CXADR: variants seen among roughly 807,000 people sequenced by gnomAD.
CXADR encodes CXADR cell adhesion molecule.
A neutral mutation model predicts 40.3 loss-of-function variants in CXADR; 20 were observed. The observed-to-expected ratio is 0.50, with a 90% CI of 0.35 to 0.72. The LOEUF (loss-of-function observed/expected upper bound fraction) is 0.72, where lower values mean the gene tolerates loss of function less well. CXADR is among the 30% of genes least tolerant of loss of function. The pLI is 0.01. For missense variants in CXADR, 332 were observed against 449.1 expected (o/e 0.74, Z 2.36); for synonymous variants, 150 against 161.3 (o/e 0.93, Z 0.53).
At position 17,513,072 on chromosome 21, in the gene CXADR, T is replaced by G. The variant is rs151262120; in HGVS notation, c.-58T>G. 1.4e-3 allele frequency: 1,801 copies of G among 1,324,356 alleles called. 30 individuals carry two copies. In the African/African-American group the frequency reaches 0.025, roughly 18 times the overall value. 82.0% of individuals were successfully genotyped at this position (1,324,356 alleles called of 1,614,324 possible). ...GGGAGCGCGCGAGGCGCGGGGAGCCTGGGACCAGGAGCGAGAGCCGCCTAC... is the reference window on the plus strand; with the variant it reads ...GGGAGCGCGCGAGGCGCGGGGAGCCGGGGACCAGGAGCGAGAGCCGCCTAC... On this transcript the variant is annotated 5_prime_UTR_variant, in exon 1 of 7. Transcript: ENST00000284878.
At chr21:17,592,661 G>C (rs1024804042) in intron 7 of CXADR, among the ~76,000 whole-genome samples, 6 of 150,252 alleles carry the variant, frequency 4.0e-5, no homozygotes, top group African/African-American at 9.8e-5. Flanking sequence ...CAATAACTTT[G>C]GTTAAAAAAA....
exon 8 of CXADR, chr21:17,593,251 A>AGCT: frequency 7.5e-7 from 1 of 1,334,944 alleles, no homozygotes; most frequent in Middle Eastern, 1.9e-4. Context: ...TTAGGCCTCT[A>AGCT]GTAAAGACTT....
At position 17,569,225 on chromosome 21, in the gene CXADR, G is replaced by A. The variant is rs957672916; in HGVS notation, c.*3533G>A. ...CTAATTTTCACTTCAGCAGTGTTTA[G>A]GGCTTTCAGATGCCTTATTCCAGTG... is the stretch of plus-strand genomic sequence containing the variant. On this transcript the variant is annotated 3_prime_UTR_variant, in exon 7 of 7. Transcript: ENST00000284878. 4.1e-5 allele frequency: 40 copies of A among 985,158 alleles called. No homozygotes were observed. The highest frequency in any genetic ancestry group is 1.2e-4 in the African/African-American group (7 of 57,176). 61.0% of individuals were successfully genotyped at this position (985,158 alleles called of 1,614,324 possible).
chr21:17,600,374 ATAAG>A, the CXADR span, among the ~76,000 whole-genome samples: 14 of 152,240 alleles, frequency 9.2e-5, no homozygotes, highest in African/African-American at 2.9e-4. Flanking sequence ...AAAGATAAAA[ATAAG>A]TAACTCTAAG....
rs542929807 is a variant in CXADR at position 17,568,828 on chromosome 21, A to G, written c.*3136A>G. 1.0e-6 allele frequency: 1 copy of G among 985,344 alleles called. No homozygotes were observed. Among genetic ancestry groups the G allele is most frequent in the East Asian group, 1.1e-4 (1 of 8,812 alleles). The allele number at this position is 985,344 out of a possible 1,614,324, so 61.0% of individuals were successfully genotyped here. On this transcript the variant is annotated 3_prime_UTR_variant, in exon 7 of 7. Coordinates refer to ENST00000284878, the MANE Select transcript of CXADR (RefSeq NM_001338.5). ...TGTCTACTATTCATGACAGTAACCAATTATTCTGGACAAATTGCTTCTTTT... is the reference window on the plus strand; with the variant it reads ...TGTCTACTATTCATGACAGTAACCAGTTATTCTGGACAAATTGCTTCTTTT...
chr21:17,603,308 C>G, the CXADR span, among the ~76,000 whole-genome samples: 1 of 152,126 alleles, frequency 6.6e-6, no homozygotes, highest in South Asian at 2.1e-4. Context: ...TGTTTATTTT[C>G]TCAGACCTAA....
At chr21:17,520,399 A>C (rs1032377364) in intron 1 of CXADR, among the ~76,000 whole-genome samples, 5 of 152,168 alleles carry the variant, frequency 3.3e-5, no homozygotes, top group African/African-American at 1.2e-4. Context: ...CTTACAAGGA[A>C]GTCTAGGTGG....
chr21:17,513,470 C>T (rs555343662), intron 1 of CXADR, among the ~76,000 whole-genome samples: 1 of 152,306 alleles, frequency 6.6e-6, no homozygotes, highest in South Asian at 2.1e-4. Flanking sequence ...GCAGCTCTCC[C>T]ATAGCATTCT....
At chr21:17,586,246 C>CA (rs1456486880) in intron 7 of CXADR, among the ~76,000 whole-genome samples, 1 of 151,684 alleles carries the variant, frequency 6.6e-6, no homozygotes, top group Non-Finnish European at 1.5e-5. Context: ...TATACAGACC[C>CA]TTTTTGTATA....
At chr21:17,575,127 C>CGCATTCTA (rs2061311141) in intron 7 of CXADR, among the ~76,000 whole-genome samples, 1 of 151,044 alleles carries the variant, frequency 6.6e-6, no homozygotes, top group African/African-American at 2.4e-5. Context: ...AATGAAGTGT[C>CGCATTCTA]TCATTCTATC....
In CXADR at chr21:17,569,267, A is replaced by C. The variant is rs1414860026; in HGVS notation, c.*3575A>C. 1.0e-6 allele frequency: 1 copy of C among 985,258 alleles called. No individual in the cohort carries two copies. The highest frequency in any genetic ancestry group is 1.7e-5 in the African/African-American group (1 of 57,218). 61.0% of individuals were successfully genotyped at this position (985,258 alleles called of 1,614,324 possible). A position where few individuals can be genotyped will look rare whatever the true frequency, so the allele number is the denominator to read the frequency against. On this transcript the variant is annotated 3_prime_UTR_variant, in exon 7 of 7. Coordinates refer to ENST00000284878, the MANE Select transcript of CXADR (RefSeq NM_001338.5). Reference sequence around the variant, plus strand: ...ATTCCAGTGTGAACAGAAAAAGTTCATATTTTATGTGGTTAATGCTTTGAT... The same window carrying C: ...ATTCCAGTGTGAACAGAAAAAGTTCCTATTTTATGTGGTTAATGCTTTGAT...
chr21:17,623,650 C>T, the CXADR span, among the ~76,000 whole-genome samples: 1 of 152,182 alleles, frequency 6.6e-6, no homozygotes, highest in East Asian at 1.9e-4. Flanking sequence ...AGCTGATAGG[C>T]ATTTCATACA....
At chr21:17,609,554 A>G in the CXADR span, among the ~76,000 whole-genome samples, 2 of 152,234 alleles carry the variant, frequency 1.3e-5, no homozygotes, top group African/African-American at 4.8e-5. Context: ...AACATAAAAA[A>G]AGTCTACTTT....
intron 3 of CXADR, among the ~76,000 whole-genome samples, chr21:17,553,376 G>C (rs1223920230): frequency 1.3e-5 from 2 of 152,142 alleles, no homozygotes; most frequent in Admixed American, 1.3e-4. Flanking sequence ...AGACTCTGCT[G>C]GCAGCATCAT....
chr21:17,597,560 G>C (rs1001408587), downstream of CXADR, among the ~76,000 whole-genome samples: 1 of 151,970 alleles, frequency 6.6e-6, no homozygotes, highest in Non-Finnish European at 1.5e-5. Context: ...TGGTTGGGGA[G>C]AAAGAGGACT....
chr21:17,635,937 T>G, the CXADR span, among the ~76,000 whole-genome samples: 11 of 152,242 alleles, frequency 7.2e-5, no homozygotes, highest in Admixed American at 7.2e-4. Flanking sequence ...ATTTCTTAAT[T>G]GACTTAGGTC....
At chr21:17,515,884 A>G (rs892183047) in intron 1 of CXADR, among the ~76,000 whole-genome samples, 5 of 152,194 alleles carry the variant, frequency 3.3e-5, no homozygotes, top group Non-Finnish European at 7.3e-5. Context: ...ACTTTAGCAA[A>G]ACAAGGGAAA....
chr21:17,529,802 T>C (rs914802284), intron 1 of CXADR, among the ~76,000 whole-genome samples: 1 of 152,186 alleles, frequency 6.6e-6, no homozygotes, highest in Non-Finnish European at 1.5e-5. Context: ...CATTAATTTT[T>C]ATAAACGTAC....
At chr21:17,536,486 C>CT (rs2060759092) in intron 1 of CXADR, among the ~76,000 whole-genome samples, 2 of 152,116 alleles carry the variant, frequency 1.3e-5, no homozygotes, top group South Asian at 4.1e-4. Flanking sequence ...ACCGGTCTGC[C>CT]TTCAGATAGC....
Sources: allele counts gnomAD v4.1 joint callset (sites outside exome capture counted in the v4.1 genomes callset), GRCh38; gene constraint gnomAD v4.1.1; transcripts MANE v1.5; gene names NCBI Gene and HGNC (gene_info 2026-07-23, HGNC 2026-07-21).